The following DENND2C variants were observed in gnomAD, a reference collection of about 807,000 sequenced individuals.
The protein encoded by DENND2C is DENN domain containing 2C, also known as DENN domain-containing protein 2C.
Under a neutral mutation model 112.4 loss-of-function variants are expected in DENND2C, and 72 were observed. The ratio of observed to expected loss-of-function variants is 0.64; its 90% CI spans 0.53 to 0.78. The LOEUF (loss-of-function observed/expected upper bound fraction) is 0.78, where lower values mean the gene tolerates loss of function less well. DENND2C is among the 30% of genes least tolerant of loss of function. The pLI is 0.00. For missense variants in DENND2C, 992 were observed against 1,113.8 expected (o/e 0.89, Z 1.56); for synonymous variants, 329 against 381.6 (o/e 0.86, Z 1.61).
chr1:114,625,765 T>C lies in DENND2C; in HGVS notation c.220A>G (p.Thr74Ala), dbSNP rs760472631. Residue 74 changes from threonine (T) to alanine (A), a missense_variant, in exon 4 of 21, where the codon ACC becomes GCC. Physicochemically the swap from Thr to Ala is moderately conservative, Grantham distance 58 (BLOSUM62 0). Coordinates refer to ENST00000393274, the MANE Select transcript of DENND2C (RefSeq NM_001256404.2). ...AERKSKNLDV[T>A]SRENVGLDIN... The stretch of plus-strand genomic sequence containing the variant: ...TCTAGACCCACATTTTCACGGCTGG[T>C]TACATCCAAGTTTTTGCTCTTTCTC... 1 of 1,613,836 alleles carries C rather than the reference T, an allele frequency of 6.2e-7. No homozygotes were observed. The highest frequency in any genetic ancestry group is 1.1e-5 in the South Asian group (1 of 91,078).
intron 10 of DENND2C, among the ~76,000 whole-genome samples, 197 bp from the exon 11 acceptor site, chr1:114,605,228 G>C (rs1044664226): frequency 6.6e-6 from 1 of 152,164 alleles, no homozygotes; most frequent in Non-Finnish European, 1.5e-5. Flanking sequence ...ACTGAGAACA[G>C]AGTTACTAAG....
intron 15 of DENND2C, among the ~76,000 whole-genome samples, chr1:114,599,701 A>G (rs577962407): frequency 1.3e-5 from 2 of 152,314 alleles, no homozygotes; most frequent in East Asian, 3.9e-4. Context: ...AAGTATTACC[A>G]ACTTTTGACA....
chr1:114,601,519 G>C lies in DENND2C; in HGVS notation c.1804C>G (p.Leu602Val). Residue 602 changes from leucine to valine, a missense_variant, in exon 13 of 21, where the codon CTT (leucine) becomes GTT (valine). By Grantham distance (32) the Leu-to-Val change is conservative. Transcript: ENST00000393274. ...CATTCTCCACTCACCTTTGAAAAAA[G>C]ATTGAAGCAGCCTAGGCGACTAACC... Reference protein sequence around the residue: ...CMVSRLGCFNLFSKILDEVEK... With the variant: ...CMVSRLGCFNVFSKILDEVEK... 1.2e-6 allele frequency: 2 copies of C among 1,611,838 alleles called. No individual in the cohort carries two copies. Among genetic ancestry groups the C allele is most frequent in the Non-Finnish European group, 1.7e-6 (2 of 1,178,762 alleles).
At chr1:114,667,543 C>T (rs1657678719) in intron 1 of DENND2C, among the ~76,000 whole-genome samples, 2 of 151,998 alleles carry the variant, frequency 1.3e-5, no homozygotes, top group African/African-American at 4.8e-5. Flanking sequence ...AGAATCATCC[C>T]CATGTCATTC....
At chr1:114,640,562 G>A (rs6681386) in intron 3 of DENND2C, among the ~76,000 whole-genome samples, 133,147 of 152,188 alleles carry the variant, frequency 0.87, 58,740 homozygotes, top group African/African-American at 0.96. Flanking sequence ...GACCATGGTG[G>A]GGTATGGTCA....
At chr1:114,620,841 T>C (rs1398827751) in intron 7 of DENND2C, among the ~76,000 whole-genome samples, 3 of 152,150 alleles carry the variant, frequency 2.0e-5, no homozygotes, top group Admixed American at 6.5e-5. Context: ...AACTGTGGAA[T>C]AGAATATTTC....
At chr1:114,622,519 T>C (rs751561824) in intron 6 of DENND2C, among the ~76,000 whole-genome samples, 1 of 152,206 alleles carries the variant, frequency 6.6e-6, no homozygotes, top group Non-Finnish European at 1.5e-5. Context: ...GAAGATAACA[T>C]AATTTCTTTC....
chr1:114,633,920 T>C (rs1656574936), intron 3 of DENND2C, among the ~76,000 whole-genome samples: 1 of 152,310 alleles, frequency 6.6e-6, no homozygotes, highest in Admixed American at 6.5e-5. Context: ...TACAAAGAGA[T>C]AGATCTGTTA....
chr1:114,616,708 A>G (rs745780735), intron 8 of DENND2C, among the ~76,000 whole-genome samples: 8 of 152,144 alleles, frequency 5.3e-5, no homozygotes, highest in Non-Finnish European at 1.2e-4. Flanking sequence ...ACAAAAAATT[A>G]GCCGGGTGTG....
intron 3 of DENND2C, among the ~76,000 whole-genome samples, chr1:114,638,359 A>G (rs556055332): frequency 2.6e-5 from 4 of 152,362 alleles, no homozygotes; most frequent in African/African-American, 9.6e-5. Flanking sequence ...CTTGAGGAAG[A>G]AAAAGATGTC....
At chr1:114,599,096 G>A (rs1034266024) in intron 16 of DENND2C, among the ~76,000 whole-genome samples, 178 bp downstream of exon 16, 2 of 151,974 alleles carry the variant, frequency 1.3e-5, no homozygotes, top group Non-Finnish European at 2.9e-5. Flanking sequence ...GTGTACTATC[G>A]AATTTTCCCA....
In DENND2C at chr1:114,600,250, A is replaced by C. The variant is rs1450338701; in HGVS notation, c.2059T>G (p.Ser687Ala). The change falls in exon 15 of 21, where the codon TCT (serine) becomes GCT (alanine). Residue 687 changes from serine to alanine, a missense_variant. Physicochemically the swap from Ser to Ala is moderately conservative, Grantham distance 99 (BLOSUM62 1). Coordinates refer to ENST00000393274, the MANE Select transcript of DENND2C (RefSeq NM_001256404.2). Reference sequence around the variant, plus strand: ...ATTACCCTACGCTCCAAAAGGAGAGAGGCACAGACCCGGATGAGATGACAC... The same window carrying C: ...ATTACCCTACGCTCCAAAAGGAGAGCGGCACAGACCCGGATGAGATGACAC... ...SVCHLIRVCASLLLERRVIFV... is the reference protein window; with the variant it reads ...SVCHLIRVCAALLLERRVIFV... 6.2e-7 allele frequency: 1 copy of C among 1,614,138 alleles called. No homozygotes were observed. The highest frequency in any genetic ancestry group is 1.1e-5 in the South Asian group (1 of 91,074).
rs557286946 is a variant in DENND2C at position 114,612,167 on chromosome 1, G to A, written c.1325-1050C>T. ...CATGAAAACTGCCCAAATTCATAAC[G>A]AAATAAATGTAAATTAAAACAATAA... On this transcript the variant is annotated intron_variant, in intron 8 of 20. Transcript: ENST00000393274. Among the ~76,000 whole-genome samples, 13 of 152,116 alleles carry A rather than the reference G, an allele frequency of 8.5e-5. No individual in the cohort carries two copies. In the East Asian group the frequency reaches 2.3e-3, roughly 27 times the overall value.
At chr1:114,664,726 C>A (rs1306760724) in intron 1 of DENND2C, among the ~76,000 whole-genome samples, 1 of 151,320 alleles carries the variant, frequency 6.6e-6, no homozygotes, top group Admixed American at 6.6e-5. Context: ...TGACCCACCG[C>A]CTTGGCCTCC....
At chr1:114,668,454 AT>A (rs1389270401) in intron 1 of DENND2C, among the ~76,000 whole-genome samples, 28 of 151,900 alleles carry the variant, frequency 1.8e-4, no homozygotes. Context: ...AAAACTGCTT[AT>A]TGTCATTAAG....
chr1:114,622,910 G>A (rs1340156952), intron 6 of DENND2C, 77 bp downstream of exon 6: 17 of 1,139,308 alleles, frequency 1.5e-5, no homozygotes, highest in Admixed American at 2.3e-5. Flanking sequence ...TCTGGACCCA[G>A]TTAAATCCCC....
Position 114,668,054 on chromosome 1 carries a change from A to C in DENND2C, c.-574+1929T>G, listed in dbSNP as rs188108829. On this transcript the variant is annotated intron_variant, in intron 1 of 20. Transcript: ENST00000393274. ...GTACTTATTTTAGCCCACTTGGTAGAATGGAATCTCCTAGATGACAGGAAT... is the reference window on the plus strand; with the variant it reads ...GTACTTATTTTAGCCCACTTGGTAGCATGGAATCTCCTAGATGACAGGAAT... 3.7e-3 allele frequency among the ~76,000 whole-genome samples: 570 copies of C among 152,304 alleles called. 4 individuals carry two copies. Among genetic ancestry groups the C allele is most frequent in the African/African-American group, 0.013 (526 of 41,544 alleles).
At chr1:114,659,545 G>C (rs1044931260) in intron 1 of DENND2C, among the ~76,000 whole-genome samples, 1 of 152,106 alleles carries the variant, frequency 6.6e-6, no homozygotes, top group Non-Finnish European at 1.5e-5. Flanking sequence ...AGTGATGCTT[G>C]AAAGATACAG....
chr1:114,630,921 G>A (rs959242584), intron 3 of DENND2C, among the ~76,000 whole-genome samples: 8 of 152,126 alleles, frequency 5.3e-5, no homozygotes, highest in African/African-American at 1.9e-4. Flanking sequence ...GAAACAAGAG[G>A]TCATGATTTA....
Sources: gnomAD v4.1 joint callset for allele counts (sites outside exome capture counted in the v4.1 genomes callset) on GRCh38, gnomAD v4.1.1 for gene constraint, MANE v1.5 for transcripts, NCBI Gene and HGNC (gene_info 2026-07-23, HGNC 2026-07-21) for gene names.